The following CLDN1 variants were observed in gnomAD, a reference collection of about 807,000 sequenced individuals.
CLDN1 encodes the protein claudin-1.
CLDN1 carries 12 observed loss-of-function variants against 22.6 expected under a neutral mutation model. That is an observed-to-expected ratio of 0.53 (90% CI 0.34 to 0.86). CLDN1 has a LOEUF of 0.86. CLDN1 is among the 40% of genes least tolerant of loss of function. The pLI is 0.02. For missense variants in CLDN1, 250 were observed against 269.5 expected (o/e 0.93, Z 0.51); for synonymous variants, 99 against 103.8 (o/e 0.95, Z 0.28).
At chr3:190,314,937 C>T (rs900244147) in intron 1 of CLDN1, among the ~76,000 whole-genome samples, 4 of 152,016 alleles carry the variant, frequency 2.6e-5, no homozygotes, top group Non-Finnish European at 4.4e-5. Flanking sequence ...ACATGTTCCA[C>T]GGACCACAGG....
chr3:190,312,520 C>A (rs992127949), intron 2 of CLDN1, among the ~76,000 whole-genome samples: 2 of 152,218 alleles, frequency 1.3e-5, no homozygotes, highest in African/African-American at 4.8e-5. Context: ...TCTCACTACT[C>A]CCCATCTTTT....
At position 190,320,381 on chromosome 3, in the gene CLDN1, C is replaced by T. The variant is rs556015285; in HGVS notation, c.223+1603G>A. 4.6e-5 allele frequency among the ~76,000 whole-genome samples: 7 copies of T among 152,202 alleles called. 1 individual carries two copies. The South Asian group carries it at 1.0e-3, about 23-fold the overall frequency. Reference sequence around the variant, plus strand: ...ACGTGGTACCTAAAATGCCTGACACCGTTTCCTTAAATATATTTATCTTTC... The same window carrying T: ...ACGTGGTACCTAAAATGCCTGACACTGTTTCCTTAAATATATTTATCTTTC... On this transcript the variant is annotated intron_variant, in intron 1 of 3. Transcript: ENST00000295522.
chr3:190,308,918 T>C (rs1716533952), intron 3 of CLDN1, among the ~76,000 whole-genome samples: 1 of 152,142 alleles, frequency 6.6e-6, no homozygotes, highest in Non-Finnish European at 1.5e-5. Context: ...ATCTTATGGT[T>C]TTGTAAAGAA....
At chr3:190,321,279 C>G (rs1716914954) in intron 1 of CLDN1, among the ~76,000 whole-genome samples, 1 of 152,130 alleles carries the variant, frequency 6.6e-6, no homozygotes, top group Admixed American at 6.5e-5. Flanking sequence ...CACCTGCCAC[C>G]AACCTTCTCT....
Position 190,322,365 on chromosome 3 carries a change from C to A in CLDN1, c.-159G>T, listed in dbSNP as rs1440373280. The A allele has an allele frequency of 1.4e-6, 1 of 723,218 alleles. No individual in the cohort carries two copies. The allele number at this position is 723,218 out of a possible 1,614,324, so 44.8% of individuals were successfully genotyped here. On this transcript the variant is annotated 5_prime_UTR_variant, in exon 1 of 4. Coordinates refer to ENST00000295522, the MANE Select transcript of CLDN1 (RefSeq NM_021101.5). ...CGCCGCCGCTGGAGAAGCTCTGGGT[C>A]GGGGTTGGGGTCCGCGCCCGGGGCG...
intron 2 of CLDN1, among the ~76,000 whole-genome samples, chr3:190,311,823 T>C (rs1179824520): frequency 2.2e-4 from 34 of 151,910 alleles, no homozygotes; most frequent in Non-Finnish European, 1.0e-4. Context: ...ACTATAATTT[T>C]TTAAATAGGC....
At chr3:190,319,854 G>T (rs1027127246) in intron 1 of CLDN1, among the ~76,000 whole-genome samples, 4 of 152,226 alleles carry the variant, frequency 2.6e-5, no homozygotes, top group Non-Finnish European at 5.9e-5. Flanking sequence ...TGCTCAGGCA[G>T]AGAAATGAAG....
At chr3:190,317,364 T>G (rs1235984279) in intron 1 of CLDN1, among the ~76,000 whole-genome samples, 2 of 152,178 alleles carry the variant, frequency 1.3e-5, no homozygotes, top group African/African-American at 4.8e-5. Context: ...ATCTTGAGAT[T>G]AAAGACCCCC....
intron 1 of CLDN1, among the ~76,000 whole-genome samples, chr3:190,319,428 G>A (rs531018491): frequency 6.6e-6 from 1 of 152,066 alleles, no homozygotes; most frequent in Admixed American, 6.6e-5. Context: ...TTCATAAACC[G>A]CTTGGCAAGA....
rs1577386100 is a variant in CLDN1 at position 190,307,405 on chromosome 3, G to C, written c.*872C>G. 1 of 152,252 alleles carries C rather than the reference G, an allele frequency of 6.6e-6. No homozygotes were observed. Among genetic ancestry groups the C allele is most frequent in the East Asian group, 1.9e-4 (1 of 5,184 alleles). 9.4% of individuals were successfully genotyped at this position (152,252 alleles called of 1,614,324 possible). A position where few individuals can be genotyped will look rare whatever the true frequency, so the allele number is the denominator to read the frequency against. On this transcript the variant is annotated 3_prime_UTR_variant, in exon 4 of 4. Coordinates refer to ENST00000295522, the MANE Select transcript of CLDN1 (RefSeq NM_021101.5). ...CAATAAAGTTGTGTTACAACACCTG[G>C]GGGAACAGCATGCAGCTACTCAATT...
At chr3:190,321,684 T>C (rs915701693) in intron 1 of CLDN1, among the ~76,000 whole-genome samples, 2 of 152,180 alleles carry the variant, frequency 1.3e-5, no homozygotes, top group Admixed American at 6.5e-5. Context: ...AGAGCTCAAG[T>C]TCAAGTTTGG....
rs931545453 is a variant in CLDN1, at chr3:190,306,114, T to C, written c.*2163A>G. ...TTCCAAACTAACTATCCTAGCAGCG[T>C]CAGCTGCCAGCTAACAGCAAGAGCT... is the stretch of plus-strand genomic sequence containing the variant. On this transcript the variant is annotated 3_prime_UTR_variant, in exon 4 of 4. Transcript: ENST00000295522. 1.5e-4 allele frequency: 23 copies of C among 152,232 alleles called. No individual in the cohort carries two copies. The highest frequency in any genetic ancestry group is 4.3e-4 in the African/African-American group (18 of 41,468). 9.4% of individuals were successfully genotyped at this position (152,232 alleles called of 1,614,324 possible).
intron 1 of CLDN1, among the ~76,000 whole-genome samples, chr3:190,319,248 T>C (rs1014155702): frequency 6.6e-6 from 1 of 152,114 alleles, no homozygotes; most frequent in Non-Finnish European, 1.5e-5. Context: ...TCAAGAAAAG[T>C]CTACTACAAC....
intron 1 of CLDN1, among the ~76,000 whole-genome samples, chr3:190,314,679 C>T (rs1358674684): frequency 6.6e-6 from 1 of 152,016 alleles, no homozygotes; most frequent in Non-Finnish European, 1.5e-5. Context: ...TCTGGGATTA[C>T]AGACGTGAGC....
chr3:190,312,891 A>G lies in CLDN1; in HGVS notation c.369T>C (p.Gly123=), dbSNP rs9869263. 1,352,478 of 1,613,742 alleles carry G rather than the reference A, an allele frequency of 0.84. 567,397 individuals are homozygous for G. The highest frequency in any genetic ancestry group is 0.86 in the Middle Eastern group (5,243 of 6,062). ...VQKMRMAVIG[G]AIFLLAGLAI... ...TATTACCTGCAAGAAGAAATATCGC[A>G]CCCCCAATGACAGCCATCCTCATCT... is the stretch of plus-strand genomic sequence containing the variant. Residue 123 remains glycine (G), a synonymous_variant, in exon 2 of 4, where the codon GGT becomes GGC. Coordinates refer to ENST00000295522, the MANE Select transcript of CLDN1 (RefSeq NM_021101.5).
At position 190,322,211 on chromosome 3, in the gene CLDN1, C is replaced by A. The variant is rs1339694723; in HGVS notation, c.-5G>T. The stretch of plus-strand genomic sequence containing the variant: ...CTGCAGCCCCGCGTTGGCCATGACT[C>A]GCTCGGGCGCCCGCGCTGGCTCAGG... On this transcript the variant is annotated 5_prime_UTR_variant, in exon 1 of 4. Coordinates refer to ENST00000295522, the MANE Select transcript of CLDN1 (RefSeq NM_021101.5). 7 of 1,612,992 alleles carry A rather than the reference C, an allele frequency of 4.3e-6. No individual in the cohort carries two copies. Among genetic ancestry groups the A allele is most frequent in the South Asian group, 1.1e-5 (1 of 91,048 alleles).
Position 190,312,096 on chromosome 3 carries a change from A to G in CLDN1, c.388+776T>C, listed in dbSNP as rs150184531. The stretch of plus-strand genomic sequence containing the variant: ...CAGGCGTGCACCACCACACCCAGCT[A>G]ATTTTTGTGTTTTCAGTAGAGATGG... On this transcript the variant is annotated intron_variant, in intron 2 of 3. Coordinates refer to ENST00000295522, the MANE Select transcript of CLDN1 (RefSeq NM_021101.5). Among the ~76,000 whole-genome samples the G allele has an allele frequency of 3.4e-3, 519 of 151,074 alleles. 1 individual carries two copies. Among genetic ancestry groups the G allele is most frequent in the African/African-American group, 0.012 (490 of 41,146 alleles).
rs1449362085 is a variant in CLDN1, at chr3:190,306,549, C to T, written c.*1728G>A. The T allele has an allele frequency of 6.6e-6, 1 of 152,460 alleles. No homozygotes were observed. Among genetic ancestry groups the T allele is most frequent in the Non-Finnish European group, 1.5e-5 (1 of 68,018 alleles). The allele number at this position is 152,460 out of a possible 1,614,324, so 9.4% of individuals were successfully genotyped here. A position where few individuals can be genotyped will look rare whatever the true frequency, so the allele number is the denominator to read the frequency against. ...CAACATCACTGTGAGGTGGGAAGATCAGGAATTACAAACCACCGCTTACAG... is the reference window on the plus strand; with the variant it reads ...CAACATCACTGTGAGGTGGGAAGATTAGGAATTACAAACCACCGCTTACAG... On this transcript the variant is annotated 3_prime_UTR_variant, in exon 4 of 4. Transcript: ENST00000295522.
At chr3:190,319,407 TCA>T (rs772156554) in intron 1 of CLDN1, among the ~76,000 whole-genome samples, 3 of 152,160 alleles carry the variant, frequency 2.0e-5, no homozygotes, top group Non-Finnish European at 4.4e-5. Context: ...AGGAAGTGCC[TCA>T]GTTACATTTT....
Sources: allele counts gnomAD v4.1 joint callset (sites outside exome capture counted in the v4.1 genomes callset), GRCh38; gene constraint gnomAD v4.1.1; transcripts MANE v1.5; gene names NCBI Gene and HGNC (gene_info 2026-07-23, HGNC 2026-07-21).